CUL5: variants seen among roughly 807,000 people sequenced by gnomAD.
CUL5 encodes cullin 5, also known as cullin-5.
In CUL5, 26 loss-of-function variants were observed where a neutral mutation model predicts 108.8. The observed-to-expected ratio is 0.24, with a 90% CI of 0.18 to 0.33. The LOEUF is 0.33. Ranked by LOEUF, CUL5 falls within the 10% of genes least tolerant of loss-of-function variation. The pLI is 1.00. For synonymous variants in CUL5, 334 were observed against 298.0 expected (o/e 1.12, Z -1.25); for missense variants, 524 against 909.2 (o/e 0.58, Z 5.45).
chr11:108,014,796 A>G (rs1862139283), intron 1 of CUL5, among the ~76,000 whole-genome samples: 1 of 152,268 alleles, frequency 6.6e-6, no homozygotes, highest in Non-Finnish European at 1.5e-5. Flanking sequence ...GACAATAAAC[A>G]TAAACAGTGA....
chr11:108,015,415 AC>A (rs1032488579), intron 1 of CUL5, among the ~76,000 whole-genome samples: 3 of 152,250 alleles, frequency 2.0e-5, no homozygotes, highest in African/African-American at 7.2e-5. Flanking sequence ...AAGGTGCATA[AC>A]CAGAGAATTC....
Position 108,054,962 on chromosome 11 carries a change from A to G in CUL5, c.780+7A>G. Reference sequence around the variant, plus strand: ...ATGTAACTCCGTTGAAGCAGTAAGTAATTTTGTAATTGTACATTTTATGGG... The same window carrying G: ...ATGTAACTCCGTTGAAGCAGTAAGTGATTTTGTAATTGTACATTTTATGGG... On this transcript the variant is annotated splice_region_variant and intron_variant, in intron 7 of 18. Transcript: ENST00000393094. 2 of 1,565,914 alleles carry G rather than the reference A, an allele frequency of 1.3e-6. No homozygotes were observed. The highest frequency in any genetic ancestry group is 1.4e-5 in the African/African-American group (1 of 73,468).
intron 1 of CUL5, among the ~76,000 whole-genome samples, chr11:108,012,714 A>C (rs1180150573): frequency 6.6e-6 from 1 of 151,866 alleles, no homozygotes; most frequent in Non-Finnish European, 1.5e-5. Context: ...CTCCTGCCTC[A>C]ACCTCCTGAG....
chr11:108,062,081 C>A (rs1374916833), intron 7 of CUL5, among the ~76,000 whole-genome samples: 2 of 152,134 alleles, frequency 1.3e-5, no homozygotes, highest in African/African-American at 4.8e-5. Flanking sequence ...GGATACAGAG[C>A]CAAAGCATAT....
At chr11:108,103,285 G>A (rs11212511) in intron 18 of CUL5, among the ~76,000 whole-genome samples, 12,641 of 152,176 alleles carry the variant, frequency 0.083, 593 homozygotes, top group East Asian at 0.15. Context: ...AAGTGACTGG[G>A]CATCGTGGCT....
intron 7 of CUL5, among the ~76,000 whole-genome samples, chr11:108,055,312 C>A (rs1054093832): frequency 6.6e-6 from 1 of 152,122 alleles, no homozygotes; most frequent in Non-Finnish European, 1.5e-5. Context: ...ACAGTTGACT[C>A]TCTTTTTTTG....
At chr11:108,046,475 AT>A in intron 3 of CUL5, 106 bp downstream of exon 3, 1 of 620,976 alleles carries the variant, frequency 1.6e-6, no homozygotes, top group Non-Finnish European at 2.7e-6. Flanking sequence ...AAAATATTGC[AT>A]TGACTTTTGA....
At chr11:108,074,396 T>C (rs940882407) in intron 10 of CUL5, among the ~76,000 whole-genome samples, 2 of 151,780 alleles carry the variant, frequency 1.3e-5, no homozygotes, top group African/African-American at 4.8e-5. Flanking sequence ...GGTTTCACTG[T>C]GTTGGCCAGG....
At chr11:108,099,403 G>A (rs1429414739) in intron 18 of CUL5, among the ~76,000 whole-genome samples, 6 of 152,028 alleles carry the variant, frequency 3.9e-5, no homozygotes, top group African/African-American at 1.4e-4. Flanking sequence ...AAAGATGAAT[G>A]AATAAAAACC....
chr11:108,100,180 C>T (rs1446447757), intron 18 of CUL5, among the ~76,000 whole-genome samples: 1 of 151,860 alleles, frequency 6.6e-6, no homozygotes, highest in Non-Finnish European at 1.5e-5. Flanking sequence ...TGGAACTTGC[C>T]CTGCCAAATA....
chr11:108,064,243 A>C (rs1863619465), intron 7 of CUL5, among the ~76,000 whole-genome samples: 1 of 152,144 alleles, frequency 6.6e-6, no homozygotes, highest in South Asian at 2.1e-4. Context: ...AGGAATGTTG[A>C]ATTTTATCAG....
chr11:108,077,936 G>A (rs1229870162), intron 10 of CUL5, among the ~76,000 whole-genome samples: 1 of 152,072 alleles, frequency 6.6e-6, no homozygotes, highest in Non-Finnish European at 1.5e-5. Flanking sequence ...TCGACAGAGT[G>A]AGACTTCATC....
chr11:108,098,510 T>C lies in CUL5; in HGVS notation c.2129T>C (p.Leu710Pro). The C allele has an allele frequency of 6.3e-7, 1 of 1,575,404 alleles. No homozygotes were observed. Among genetic ancestry groups the C allele is most frequent in the Non-Finnish European group, 8.6e-7 (1 of 1,162,754 alleles). The change falls in exon 18 of 19, where the codon CTA becomes CCA. Residue 710 changes from leucine to proline, a missense_variant. Leu to Pro is a moderately conservative substitution (Grantham distance 98). Transcript: ENST00000393094. The part of the protein sequence containing the change: ...REEENEGIVQ[L>P]RILRTQEAII... ...GAAGAGAATGAAGGAATAGTTCAAC[T>C]ACGAATACTAAGAACCCAGGTTTGT...
rs766031826 is a variant in CUL5 at position 108,046,319 on chromosome 11, C to T, written c.184C>T (p.His62Tyr). 2 of 1,613,168 alleles carry T rather than the reference C, an allele frequency of 1.2e-6. No individual in the cohort carries two copies. The highest frequency in any genetic ancestry group is 8.5e-7 in the Non-Finnish European group (1 of 1,179,582). The change falls in exon 3 of 19, where the codon CAT (histidine) becomes TAT (tyrosine). Residue 62 changes from histidine (H) to tyrosine (Y), a missense_variant. This residue lies in a region of CUL5 where 76 missense variants were observed against 90.8 expected (regional missense o/e 0.84). Transcript: ENST00000393094. The stretch of plus-strand genomic sequence containing the variant: ...GGATGATAAAGGCCCAGCAAAAATT[C>T]ATCAGGCTTTAAAAGAAGATATTCT... ...LWDDKGPAKI[H>Y]QALKEDILEF...
In CUL5 at chr11:108,107,574, C is replaced by T. The variant is rs1479061741; in HGVS notation, c.*3190C>T. Reference sequence around the variant, plus strand: ...TTTTAGTTTCTAAGTTGTAATCTATCCTCATATGGTCTATACGATTTTGAA... The same window carrying T: ...TTTTAGTTTCTAAGTTGTAATCTATTCTCATATGGTCTATACGATTTTGAA... On this transcript the variant is annotated 3_prime_UTR_variant, in exon 19 of 19. Transcript: ENST00000393094. The T allele has an allele frequency of 6.6e-6, 1 of 152,570 alleles. No homozygotes were observed. The highest frequency in any genetic ancestry group is 1.5e-5 in the Non-Finnish European group (1 of 68,002). The allele number at this position is 152,570 out of a possible 1,614,324, so 9.5% of individuals were successfully genotyped here. A position where few individuals can be genotyped will look rare whatever the true frequency, so the allele number is the denominator to read the frequency against.
At chr11:108,085,057 A>G (rs1864186331) in intron 11 of CUL5, 1 of 152,250 alleles carries the variant, frequency 6.6e-6, no homozygotes, top group South Asian at 2.1e-4. Context: ...GTATGGCCCA[A>G]CTGTTCTACT....
chr11:108,077,489 G>T (rs1336566878), intron 10 of CUL5, among the ~76,000 whole-genome samples: 1 of 152,086 alleles, frequency 6.6e-6, no homozygotes, highest in Non-Finnish European at 1.5e-5. Flanking sequence ...AATTAGCCAG[G>T]CACGGTGGTG....
At chr11:108,097,858 A>G (rs1864537614) in intron 17 of CUL5, 104 bp downstream of exon 17, 3 of 635,196 alleles carry the variant, frequency 4.7e-6, no homozygotes, top group East Asian at 2.7e-5. Flanking sequence ...AAAACATTAT[A>G]TACTGTCATC....
At chr11:108,066,899 T>G (rs1205932013) in intron 7 of CUL5, among the ~76,000 whole-genome samples, 5 of 152,238 alleles carry the variant, frequency 3.3e-5, no homozygotes, top group Non-Finnish European at 5.9e-5. Context: ...TTTATGGGTT[T>G]CCAACTGGAT....
Sources: allele counts gnomAD v4.1 joint callset (sites outside exome capture counted in the v4.1 genomes callset), GRCh38; gene constraint gnomAD v4.1.1; regional missense constraint gnomAD v4.1.1; transcripts MANE v1.5; gene names NCBI Gene and HGNC (gene_info 2026-07-23, HGNC 2026-07-21).